SPINK8: variants seen among roughly 807,000 people sequenced by gnomAD.
SPINK8 encodes serine peptidase inhibitor Kazal type 8 (putative), also known as serine protease inhibitor Kazal-type 8.
Under a neutral mutation model 14.4 loss-of-function variants are expected in SPINK8, and 12 were observed. That is an observed-to-expected ratio of 0.83 (90% CI 0.53 to 1.35). The LOEUF (loss-of-function observed/expected upper bound fraction) is 1.35. Ranked by LOEUF, SPINK8 falls within the 40% of genes most tolerant of loss-of-function variation. The probability of loss-of-function intolerance (pLI) is 0.00; values close to 1 mark genes in which losing one functional copy is unlikely to be tolerated. For missense variants in SPINK8, 103 were observed against 117.0 expected (o/e 0.88, Z 0.55); for synonymous variants, 32 against 37.6 (o/e 0.85, Z 0.55).
intron 6 of SPINK8, among the ~76,000 whole-genome samples, chr3:48,312,178 T>C (rs1302572413): frequency 6.7e-6 from 1 of 149,574 alleles, no homozygotes. Flanking sequence ...CTGGTACTGG[T>C]ATTAGGATAT....
chr3:48,326,952 A>C (rs539631868), intron 4 of SPINK8, among the ~76,000 whole-genome samples: 67 of 152,212 alleles, frequency 4.4e-4, no homozygotes, highest in African/African-American at 1.6e-3. Flanking sequence ...GAACTATGAT[A>C]TCTATATATC....
At chr3:48,330,514 C>G (rs1444763383) in intron 2 of SPINK8, among the ~76,000 whole-genome samples, 1 of 152,006 alleles carries the variant, frequency 6.6e-6, no homozygotes. Flanking sequence ...GCAAAACTGT[C>G]TTTTTGTTTT....
At chr3:48,319,947 C>T (rs549499053) in intron 5 of SPINK8, among the ~76,000 whole-genome samples, 25 of 150,140 alleles carry the variant, frequency 1.7e-4, no homozygotes, top group Non-Finnish European at 2.5e-4. Context: ...ATCGAGACCA[C>T]GGTAAACCCC....
chr3:48,330,730 C>T (rs886475367), intron 2 of SPINK8, among the ~76,000 whole-genome samples: 2 of 151,734 alleles, frequency 1.3e-5, no homozygotes, highest in South Asian at 2.1e-4. Context: ...TCTTTACTAC[C>T]TGATTGGTCG....
At chr3:48,323,623 C>T (rs1270090454) in intron 4 of SPINK8, among the ~76,000 whole-genome samples, 1 of 152,078 alleles carries the variant, frequency 6.6e-6, no homozygotes, top group African/African-American at 2.4e-5. Context: ...AATTTGTGTC[C>T]ATGGTGTGAG....
chr3:48,330,101 C>T (rs1255225739), intron 2 of SPINK8, among the ~76,000 whole-genome samples: 1 of 152,214 alleles, frequency 6.6e-6, no homozygotes, highest in African/African-American at 2.4e-5. Context: ...AGTGTATTTT[C>T]TCAGCACTGC....
intron 7 of SPINK8, among the ~76,000 whole-genome samples, chr3:48,308,035 G>A (rs554160325): frequency 7.9e-5 from 11 of 138,436 alleles, no homozygotes; most frequent in South Asian, 6.9e-4. Context: ...GTGCAGTGGC[G>A]TGATCTTGGC....
chr3:48,312,708 G>A (rs1208768402), intron 6 of SPINK8, among the ~76,000 whole-genome samples: 1 of 151,470 alleles, frequency 6.6e-6, no homozygotes, highest in Non-Finnish European at 1.5e-5. Flanking sequence ...TTCAAAAATG[G>A]ATCAATGGGG....
At chr3:48,314,911 C>A (rs973858355) in intron 6 of SPINK8, among the ~76,000 whole-genome samples, 1 of 152,154 alleles carries the variant, frequency 6.6e-6, no homozygotes, top group African/African-American at 2.4e-5. Flanking sequence ...AGAGAAAGTC[C>A]CAACATCTCA....
intron 6 of SPINK8, among the ~76,000 whole-genome samples, chr3:48,311,923 G>A (rs1560014443): frequency 6.6e-6 from 1 of 152,144 alleles, no homozygotes; most frequent in Admixed American, 6.5e-5. Flanking sequence ...AGGGCCCTGA[G>A]TTGCCAAAAT....
rs2035859250 is a variant in SPINK8 at position 48,307,058 on chromosome 3, G to A, written c.283-55C>T. 12 of 1,553,194 alleles carry A rather than the reference G, an allele frequency of 7.7e-6. No homozygotes were observed. In the East Asian group the frequency reaches 2.7e-4, roughly 35 times the overall value. On this transcript the variant is annotated intron_variant, in intron 7 of 7. Coordinates refer to ENST00000434006, the MANE Select transcript of SPINK8 (RefSeq NM_001080525.3). ...CAAATTTGAGGAAGTTAAGAGAAAA[G>A]CCACCACACTGGTAAACACAACCAT...
At chr3:48,328,461 T>C (rs2107114600) in intron 3 of SPINK8, 107 bp from the exon 4 acceptor site, 2 of 644,362 alleles carry the variant, frequency 3.1e-6, no homozygotes, top group Non-Finnish European at 5.1e-6. Context: ...ACTTTGTTCT[T>C]TCCTCAGGTC....
chr3:48,307,026 G>A (rs1575338686), intron 7 of SPINK8, 23 bp from the exon 8 acceptor site: 1 of 1,611,590 alleles, frequency 6.2e-7, no homozygotes, highest in Non-Finnish European at 8.5e-7. Context: ...TATCTGCTTA[G>A]AGAAATCAAA....
At chr3:48,319,221 C>G (rs1468764647) in intron 6 of SPINK8, among the ~76,000 whole-genome samples, 1 of 152,168 alleles carries the variant, frequency 6.6e-6, no homozygotes, top group East Asian at 1.9e-4. Flanking sequence ...CATGCTATGG[C>G]TGCTTGTTTC....
Position 48,319,610 on chromosome 3 carries a change from G to A in SPINK8, c.126C>T (p.Cys42=). 1 of 1,613,858 alleles carries A rather than the reference G, an allele frequency of 6.2e-7. No individual in the cohort carries two copies. The highest frequency in any genetic ancestry group is 8.5e-7 in the Non-Finnish European group (1 of 1,179,838). ...RGQLDKTIVE[C]LKNVNKCWFL... is the part of the protein sequence containing the mutation. ...ACCAGCACTTATTTACATTCTTGAG[G>A]CATTCAACCTGAAGGTGAGACACAC... Residue 42 remains cysteine, a synonymous_variant, in exon 6 of 8, where the codon TGC becomes TGT. Coordinates refer to ENST00000434006, the MANE Select transcript of SPINK8 (RefSeq NM_001080525.3).
chr3:48,326,191 C>T (rs2036138884), intron 4 of SPINK8, among the ~76,000 whole-genome samples: 1 of 152,222 alleles, frequency 6.6e-6, no homozygotes, highest in Non-Finnish European at 1.5e-5. Context: ...AAAAACTCAT[C>T]TTGGCCATAT....
At chr3:48,331,346 C>G (rs1363906610) in intron 2 of SPINK8, among the ~76,000 whole-genome samples, 1 of 152,194 alleles carries the variant, frequency 6.6e-6, no homozygotes, top group Non-Finnish European at 1.5e-5. Flanking sequence ...ATAAGCCTTT[C>G]TAATGGAGGG....
rs774377388 is a variant in SPINK8, at chr3:48,329,216, T to A, written c.-77A>T. Among the ~76,000 whole-genome samples, 1 of 152,256 alleles carries A rather than the reference T, an allele frequency of 6.6e-6. No individual in the cohort carries two copies. The highest frequency in any genetic ancestry group is 2.4e-5 in the African/African-American group (1 of 41,472). On this transcript the variant is annotated 5_prime_UTR_variant, in exon 3 of 8. An upstream open reading frame in the 5' UTR gains an earlier in-frame stop. Transcript: ENST00000434006. ...AACAGGATGGTTTTTGTTGATAGTT[T>A]GTTCATAATGAACTAGGAAGGAAGG...
chr3:48,327,658 G>C (rs1195297466), intron 4 of SPINK8, among the ~76,000 whole-genome samples: 1 of 152,070 alleles, frequency 6.6e-6, no homozygotes, highest in Non-Finnish European at 1.5e-5. Context: ...GGGAAGGGGA[G>C]GAGAGGGACC....
Sources: allele counts gnomAD v4.1 joint callset (sites outside exome capture counted in the v4.1 genomes callset), GRCh38; gene constraint gnomAD v4.1.1; transcripts MANE v1.5; gene names NCBI Gene and HGNC (gene_info 2026-07-23, HGNC 2026-07-21).